Variants in IFT81 observed in about 807,000 individuals in gnomAD.
The protein encoded by IFT81 is intraflagellar transport 81, also known as intraflagellar transport protein 81 homolog.
A neutral mutation model predicts 102.6 loss-of-function variants in IFT81; 72 were observed. That is an observed-to-expected ratio of 0.70 (90% CI 0.58 to 0.85). The LOEUF (loss-of-function observed/expected upper bound fraction) is 0.85, where lower values mean the gene tolerates loss of function less well. IFT81 is among the 40% of genes least tolerant of loss of function. The pLI is 0.00. For missense variants in IFT81, 723 were observed against 787.3 expected (o/e 0.92, Z 0.98); for synonymous variants, 237 against 242.7 (o/e 0.98, Z 0.22).
At chr12:110,125,680 C>G (rs1355866778) in intron 1 of IFT81, among the ~76,000 whole-genome samples, 1 of 152,216 alleles carries the variant, frequency 6.6e-6, no homozygotes, top group South Asian at 2.1e-4. Context: ...CAGGAGAGAA[C>G]GACAGCTCCC....
At chr12:110,171,900 A>T (rs1396842075) in intron 11 of IFT81, 1 of 152,184 alleles carries the variant, frequency 6.6e-6, no homozygotes, top group East Asian at 1.9e-4. Context: ...AGTTGGTTCT[A>T]TCTCATCTCG....
At chr12:110,135,488 C>T in intron 7 of IFT81, 51 bp downstream of exon 7, 1 of 1,057,240 alleles carries the variant, frequency 9.5e-7, no homozygotes, top group Non-Finnish European at 1.4e-6. Context: ...AGTTCCTTCT[C>T]ATAATCCAAA....
At chr12:110,215,329 C>T (rs1031687107) in intron 18 of IFT81, among the ~76,000 whole-genome samples, 29 of 152,012 alleles carry the variant, frequency 1.9e-4, no homozygotes, top group African/African-American at 6.3e-4. Context: ...ATTTCCAACA[C>T]ACTGCATTTC....
chr12:110,187,969 A>G (rs1177781175), intron 12 of IFT81, among the ~76,000 whole-genome samples: 1 of 152,142 alleles, frequency 6.6e-6, no homozygotes, highest in Non-Finnish European at 1.5e-5. Context: ...CACCCTGGAA[A>G]GTCCTGAATT....
At chr12:110,140,602 C>A (rs1471086522) in intron 8 of IFT81, among the ~76,000 whole-genome samples, 1 of 152,050 alleles carries the variant, frequency 6.6e-6, no homozygotes, top group East Asian at 1.9e-4. Context: ...ACTTAAGAAC[C>A]TGAGGATGGA....
chr12:110,158,520 G>T (rs1422103380), intron 10 of IFT81, among the ~76,000 whole-genome samples: 1 of 152,078 alleles, frequency 6.6e-6, no homozygotes, highest in East Asian at 1.9e-4. Context: ...ATAGGTGTGA[G>T]CCACTGTGCC....
At chr12:110,203,734 TA>T in intron 14 of IFT81, 129 bp from the exon 15 acceptor site, 1 of 676,680 alleles carries the variant, frequency 1.5e-6, no homozygotes, top group Non-Finnish European at 2.7e-6. Context: ...GGTTGTTGCA[TA>T]AATAACTCTT....
intron 18 of IFT81, among the ~76,000 whole-genome samples, chr12:110,210,896 G>C (rs891916825): frequency 1.3e-5 from 2 of 151,010 alleles, no homozygotes; most frequent in Non-Finnish European, 3.0e-5. Context: ...TGTCACCTAG[G>C]CTGGCTGGAG....
intron 12 of IFT81, among the ~76,000 whole-genome samples, chr12:110,185,855 C>T (rs1330640198): frequency 1.3e-5 from 2 of 152,070 alleles, no homozygotes; most frequent in African/African-American, 4.8e-5. Flanking sequence ...CTACCTCAGC[C>T]TCCCAAAATG....
chr12:110,206,534 G>C (rs1868647337), intron 17 of IFT81, among the ~76,000 whole-genome samples: 1 of 152,090 alleles, frequency 6.6e-6, no homozygotes, highest in Admixed American at 6.6e-5. Context: ...AAGAGGCCGG[G>C]CATGGTGGTG....
At chr12:110,215,134 T>C (rs1030965294) in intron 18 of IFT81, among the ~76,000 whole-genome samples, 3 of 152,172 alleles carry the variant, frequency 2.0e-5, no homozygotes, top group African/African-American at 7.2e-5. Context: ...CTCAGCTTAG[T>C]TAATCCTCTT....
chr12:110,154,369 G>A (rs1171249115), intron 10 of IFT81, among the ~76,000 whole-genome samples: 1 of 149,480 alleles, frequency 6.7e-6, no homozygotes, highest in Admixed American at 6.7e-5. Context: ...GGTGACTCAC[G>A]CCTGTAGTCC....
chr12:110,199,535 A>G (rs1898164961), intron 14 of IFT81, among the ~76,000 whole-genome samples: 1 of 152,148 alleles, frequency 6.6e-6, no homozygotes. Context: ...GTTTGACCAT[A>G]AGATTTGCGA....
At chr12:110,127,617 T>G in intron 2 of IFT81, 93 bp downstream of exon 2, 1 of 1,134,174 alleles carries the variant, frequency 8.8e-7, no homozygotes, top group Non-Finnish European at 1.2e-6. Flanking sequence ...TTAACCTCTC[T>G]GAGCTTTATT....
chr12:110,134,629 T>C (rs1301253547), intron 5 of IFT81, among the ~76,000 whole-genome samples: 1 of 152,168 alleles, frequency 6.6e-6, no homozygotes, highest in Non-Finnish European at 1.5e-5. Context: ...ACACTTTCCA[T>C]TATAGAAAAT....
intron 10 of IFT81, among the ~76,000 whole-genome samples, chr12:110,152,629 G>A (rs1486877244): frequency 8.6e-5 from 13 of 151,584 alleles, no homozygotes; most frequent in Admixed American, 7.9e-4. Context: ...TTTTCTTAGA[G>A]ATAGGGTCTC....
chr12:110,187,454 A>C (rs1897587428), intron 12 of IFT81, among the ~76,000 whole-genome samples: 1 of 152,076 alleles, frequency 6.6e-6, no homozygotes, highest in African/African-American at 2.4e-5. Context: ...TAGTAAAGAC[A>C]GAATTTCACC....
At chr12:110,147,368 T>C (rs956799589) in intron 10 of IFT81, among the ~76,000 whole-genome samples, 3 of 152,200 alleles carry the variant, frequency 2.0e-5, no homozygotes, top group East Asian at 3.8e-4. Flanking sequence ...TAAATAAAAA[T>C]ATTTATAATT....
At chr12:110,131,369 CAG>C (rs1214584918) in intron 4 of IFT81, among the ~76,000 whole-genome samples, 2 of 151,576 alleles carry the variant, frequency 1.3e-5, no homozygotes, top group Non-Finnish European at 2.9e-5. Context: ...TTGTTTGAGA[CAG>C]AGTCTCGCTT....
Sources: allele counts gnomAD v4.1 joint callset (sites outside exome capture counted in the v4.1 genomes callset), GRCh38; gene constraint gnomAD v4.1.1; transcripts MANE v1.5; gene names NCBI Gene and HGNC (gene_info 2026-07-23, HGNC 2026-07-21).